SLC14A1: variants seen among roughly 807,000 people sequenced by gnomAD.
SLC14A1 encodes urea transporter 1.
In SLC14A1, 36 loss-of-function variants were observed where a neutral mutation model predicts 39.6. The ratio of observed to expected loss-of-function variants is 0.91; its 90% CI spans 0.70 to 1.20. SLC14A1 has a LOEUF of 1.20. SLC14A1 is among the 50% of genes most tolerant of loss of function. The pLI is 0.00. For missense variants in SLC14A1, 469 were observed against 478.7 expected (o/e 0.98, Z 0.19); for synonymous variants, 164 against 173.6 (o/e 0.94, Z 0.43).
rs528407823 is a variant in SLC14A1 at position 45,726,829 on chromosome 18, G to C, written c.-22+1816G>C. The C allele has an allele frequency of 3.1e-5, 5 of 162,650 alleles. No individual in the cohort carries two copies. In the East Asian group the frequency reaches 8.7e-4, roughly 28 times the overall value. The allele number at this position is 162,650 out of a possible 1,614,324, so 10.1% of individuals were successfully genotyped here. ...CAAGGCCAAGGGAAACTGCTGTGGGGCAACCTGTTGCTTTGGTGTTGGTCC... is the reference window on the plus strand; with the variant it reads ...CAAGGCCAAGGGAAACTGCTGTGGGCCAACCTGTTGCTTTGGTGTTGGTCC... On this transcript the variant is annotated intron_variant, in intron 2 of 9. Transcript: ENST00000321925.
chr18:45,752,159 C>CTGAA lies in SLC14A1; in HGVS notation c.*2209_*2212dup. On this transcript the variant is annotated 3_prime_UTR_variant, in exon 10 of 10. Coordinates refer to ENST00000321925, the MANE Select transcript of SLC14A1 (RefSeq NM_015865.7). ...AGAAGCTCAATTTTCAGTGTTTGAA[C>CTGAA]TGAACCCTTTCTTGTTAGGGAACGT... 2.0e-6 allele frequency: 2 copies of CTGAA among 985,334 alleles called. No homozygotes were observed. Among genetic ancestry groups the CTGAA allele is most frequent in the Non-Finnish European group, 2.4e-6 (2 of 829,900 alleles). The allele number at this position is 985,334 out of a possible 1,614,324, so 61.0% of individuals were successfully genotyped here.
rs2047118994 is a variant in SLC14A1 at position 45,734,296 on chromosome 18, T to C, written c.364T>C (p.Tyr122His). The change falls in exon 5 of 10, where the codon TAT (tyrosine) becomes CAT (histidine). Residue 122 changes from tyrosine (Y) to histidine (H), a missense_variant. Tyr to His is a moderately conservative substitution (Grantham distance 83, BLOSUM62 2). Coordinates refer to ENST00000321925, the MANE Select transcript of SLC14A1 (RefSeq NM_015865.7). Reference protein sequence around the residue: ...QDRSLIASGLYGYNATLVGVL... With the variant: ...QDRSLIASGLHGYNATLVGVL... ...CAGGTCATTAATAGCATCTGGGCTC[T>C]ATGGCTACAATGCCACCCTGGTGGG... 2 of 1,614,018 alleles carry C rather than the reference T, an allele frequency of 1.2e-6. No individual in the cohort carries two copies. The highest frequency in any genetic ancestry group is 1.7e-6 in the Non-Finnish European group (2 of 1,179,984).
At chr18:45,738,832 T>A (rs2047271607) in intron 6 of SLC14A1, among the ~76,000 whole-genome samples, 1 of 152,066 alleles carries the variant, frequency 6.6e-6, no homozygotes, top group African/African-American at 2.4e-5. Context: ...AGGCAGATCC[T>A]CATAGCCAGG....
In SLC14A1 at chr18:45,730,419, A is replaced by G; in HGVS notation, c.99A>G (p.Lys33=). The G allele has an allele frequency of 6.2e-7, 1 of 1,614,214 alleles. No individual in the cohort carries two copies. Among genetic ancestry groups the G allele is most frequent in the African/African-American group, 1.3e-5 (1 of 75,066 alleles). ...GTCAAGGGAGAAGGTGCTTCCCCAA[A>G]GCTCTTGGCTATGTCACCGGTGACA... ...SPCQGRRCFP[K]ALGYVTGDMK... is the part of the protein sequence containing the mutation. The change falls in exon 3 of 10, where the codon AAA becomes AAG. Residue 33 remains lysine, a synonymous_variant. Coordinates refer to ENST00000321925, the MANE Select transcript of SLC14A1 (RefSeq NM_015865.7).
Position 45,739,158 on chromosome 18 carries a change from T to G in SLC14A1, c.664-5T>G. 6.2e-7 allele frequency: 1 copy of G among 1,614,220 alleles called. No homozygotes were observed. Among genetic ancestry groups the G allele is most frequent in the Non-Finnish European group, 8.5e-7 (1 of 1,180,030 alleles). Reference sequence around the variant, plus strand: ...AGCCTCATTTTTCTTAAATTTCTTTTGCAGTTGTTGAAATCTATACCAGTG... The same window carrying G: ...AGCCTCATTTTTCTTAAATTTCTTTGGCAGTTGTTGAAATCTATACCAGTG... On this transcript the variant is annotated splice_region_variant and splice_polypyrimidine_tract_variant and intron_variant, in intron 6 of 9. Transcript: ENST00000321925.
intron 9 of SLC14A1, among the ~76,000 whole-genome samples, chr18:45,748,679 T>C (rs184554871): frequency 2.0e-4 from 30 of 152,338 alleles, no homozygotes; most frequent in African/African-American, 6.7e-4. Flanking sequence ...GTAGGTTGTA[T>C]AACATATTAT....
chr18:45,740,495 T>C (rs2047336042), intron 8 of SLC14A1, among the ~76,000 whole-genome samples: 1 of 141,134 alleles, frequency 7.1e-6, no homozygotes, highest in African/African-American at 2.7e-5. Flanking sequence ...CACTTCAGCC[T>C]GGGCAACAGA....
Position 45,742,549 on chromosome 18 carries a change from G to A in SLC14A1, c.946+2887G>A, listed in dbSNP as rs62096954. 3.1e-3 allele frequency among the ~76,000 whole-genome samples: 473 copies of A among 151,734 alleles called. 2 individuals are homozygous for A. The highest frequency in any genetic ancestry group is 5.7e-3 in the Non-Finnish European group (385 of 67,924). On this transcript the variant is annotated intron_variant, in intron 8 of 9. Transcript: ENST00000321925. ...TAATTTTTGTATTTTTAGTAGAGAC[G>A]GGGTTTCACCATGTTGGCCAGGATG...
Position 45,748,434 on chromosome 18 carries a change from G to T in SLC14A1, c.996+9G>T, listed in dbSNP as rs188063122. 3.0e-4 allele frequency: 487 copies of T among 1,613,806 alleles called. No individual in the cohort carries two copies. Among genetic ancestry groups the T allele is most frequent in the Non-Finnish European group, 3.8e-4 (448 of 1,179,866 alleles). ...CAAACTTTATGGCTGAGGTGAGTTTGCTTTAGTCTCACTTTTCATTAGCGT... is the reference window on the plus strand; with the variant it reads ...CAAACTTTATGGCTGAGGTGAGTTTTCTTTAGTCTCACTTTTCATTAGCGT... On this transcript the variant is annotated intron_variant, in intron 9 of 9. Transcript: ENST00000321925.
chr18:45,743,995 T>G (rs1451453999), intron 8 of SLC14A1, among the ~76,000 whole-genome samples: 2 of 146,546 alleles, frequency 1.4e-5, no homozygotes, highest in East Asian at 4.1e-4. Context: ...TCACTCTGAC[T>G]TAGTTCATAT....
Position 45,750,986 on chromosome 18 carries a change from A to C in SLC14A1, c.*1035A>C. On this transcript the variant is annotated 3_prime_UTR_variant, in exon 10 of 10. Coordinates refer to ENST00000321925, the MANE Select transcript of SLC14A1 (RefSeq NM_015865.7). ...TGAATTCCTTAATTTAAAAAAGCTC[A>C]TTATTTTTTGCACACTCACAATATT... 2 of 985,212 alleles carry C rather than the reference A, an allele frequency of 2.0e-6. No homozygotes were observed. The highest frequency in any genetic ancestry group is 1.7e-5 in the African/African-American group (1 of 57,366). The allele number at this position is 985,212 out of a possible 1,614,324, so 61.0% of individuals were successfully genotyped here.
intron 2 of SLC14A1, chr18:45,727,187 C>G: frequency 2.5e-5 from 36 of 1,455,346 alleles, no homozygotes; most frequent in Non-Finnish European, 3.4e-5. Context: ...CTCAGCTTGC[C>G]TTTTGCGTGG....
intron 5 of SLC14A1, among the ~76,000 whole-genome samples, chr18:45,736,234 T>C (rs1171418679): frequency 6.6e-6 from 1 of 152,164 alleles, no homozygotes. Flanking sequence ...AGAGTAGAAT[T>C]TTTCAAAAGC....
Position 45,736,492 on chromosome 18 carries a change from C to G in SLC14A1, c.507C>G (p.Ser169Arg). Residue 169 changes from serine (S) to arginine (R), a missense_variant, in exon 6 of 10, where the codon AGC becomes AGG. Transcript: ENST00000321925. Reference protein sequence around the residue: ...IFSSALNSMLSKWDLPVFTLP... With the variant: ...IFSSALNSMLRKWDLPVFTLP... The stretch of plus-strand genomic sequence containing the variant: ...CAAGTGCATTGAATTCCATGCTCAG[C>G]AAATGGGACCTCCCCGTCTTCACCC... 6.2e-7 allele frequency: 1 copy of G among 1,614,190 alleles called. No homozygotes were observed. The highest frequency in any genetic ancestry group is 1.1e-5 in the South Asian group (1 of 91,082).
chr18:45,739,323 G>C lies in SLC14A1; in HGVS notation c.811+13G>C, dbSNP rs201026724. 139 of 1,613,946 alleles carry C rather than the reference G, an allele frequency of 8.6e-5. 1 individual carries two copies. The highest frequency in any genetic ancestry group is 8.5e-6 in the Non-Finnish European group (10 of 1,179,990). ...GGCATAGCAGCGGGTGAGCACAAGA[G>C]CCCTTACCAAATATTGAGCACCTCC... is the stretch of plus-strand genomic sequence containing the variant. On this transcript the variant is annotated intron_variant, in intron 7 of 9. Coordinates refer to ENST00000321925, the MANE Select transcript of SLC14A1 (RefSeq NM_015865.7).
At chr18:45,739,365 C>T in intron 7 of SLC14A1, 55 bp downstream of exon 7, 2 of 1,612,536 alleles carry the variant, frequency 1.2e-6, no homozygotes, top group Non-Finnish European at 1.7e-6. Flanking sequence ...CCATGCATTG[C>T]CTCAGGCATC....
rs1369875172 is a variant in SLC14A1 at position 45,724,286 on chromosome 18, C to T, written c.-86+13C>T. 6.6e-6 allele frequency: 1 copy of T among 152,240 alleles called. No homozygotes were observed. The highest frequency in any genetic ancestry group is 2.4e-5 in the African/African-American group (1 of 41,468). 9.4% of individuals were successfully genotyped at this position (152,240 alleles called of 1,614,324 possible). On this transcript the variant is annotated intron_variant, in intron 1 of 9. Transcript: ENST00000321925. ...CAGCTAGAGTGGTGTAAGTACTCAT[C>T]CTTATTTCTATTCATTTCCAACTAT...
intron 2 of SLC14A1, 87 bp from the exon 3 acceptor site, chr18:45,730,213 A>G: frequency 7.2e-7 from 1 of 1,380,754 alleles, no homozygotes; most frequent in South Asian, 1.4e-5. Context: ...ATAGTGGTCC[A>G]GATCTTCTAC....
rs1441286628 is a variant in SLC14A1, at chr18:45,750,929, G to C, written c.*978G>C. ...TTATAAAGACTGAAGGCAAAGGTCA[G>C]ATTGCTTACGGGTGTTATTTTTATA... On this transcript the variant is annotated 3_prime_UTR_variant, in exon 10 of 10. Transcript: ENST00000321925. 2.0e-6 allele frequency: 2 copies of C among 984,818 alleles called. No homozygotes were observed. Among genetic ancestry groups the C allele is most frequent in the Admixed American group, 6.1e-5 (1 of 16,264 alleles). 61.0% of individuals were successfully genotyped at this position (984,818 alleles called of 1,614,324 possible).
Sources: gnomAD v4.1 joint callset for allele counts (sites outside exome capture counted in the v4.1 genomes callset) on GRCh38, gnomAD v4.1.1 for gene constraint, MANE v1.5 for transcripts, NCBI Gene and HGNC (gene_info 2026-07-23, HGNC 2026-07-21) for gene names.